RAB5IF: variants seen among roughly 807,000 people sequenced by gnomAD.
RAB5IF encodes RAB5 interacting factor, also known as GEL complex subunit OPTI.
In RAB5IF, 15 loss-of-function variants were observed where a neutral mutation model predicts 20.3. The ratio of observed to expected loss-of-function variants is 0.74; its 90% CI spans 0.50 to 1.14. RAB5IF has a LOEUF of 1.14. Ranked by LOEUF, RAB5IF falls within the 50% of genes most tolerant of loss-of-function variation. RAB5IF has a pLI of 0.00. For synonymous variants in RAB5IF, 67 were observed against 63.7 expected (o/e 1.05, Z -0.25); for missense variants, 148 against 159.5 (o/e 0.93, Z 0.39).
chr20:36,609,656 AT>A lies in RAB5IF; in HGVS notation c.276del (p.Ile92MetfsTer18). 6.2e-7 allele frequency: 1 copy of A among 1,613,792 alleles called. No homozygotes were observed. The highest frequency in any genetic ancestry group is 1.3e-5 in the African/African-American group (1 of 75,020). ...LYLYFSNYLQ[I>X]DEEEYGGTWE... ...CCTCTACTTCAGCAATTACCTACAG[AT>A]TGATGAGGAAGAATATGGTGGCACG... On this transcript the variant is annotated frameshift_variant, in exon 3 of 4. Transcript: ENST00000344795. LOFTEE classifies it high-confidence loss of function.
At chr20:36,610,862 T>C (rs543966614) in intron 3 of RAB5IF, among the ~76,000 whole-genome samples, 5 of 152,212 alleles carry the variant, frequency 3.3e-5, no homozygotes, top group South Asian at 4.1e-4. Context: ...AAAAGTAGAT[T>C]AGTGGTTGCC....
chr20:36,609,827 A>C, intron 3 of RAB5IF, 97 bp downstream of exon 3: 1 of 1,609,994 alleles, frequency 6.2e-7, no homozygotes, highest in South Asian at 1.1e-5. Context: ...CTGTGTGAGC[A>C]GGGTGCTATT....
At chr20:36,608,590 GTCTT>G (rs1470600911) in intron 2 of RAB5IF, among the ~76,000 whole-genome samples, 2 of 134,430 alleles carry the variant, frequency 1.5e-5, no homozygotes, top group Admixed American at 7.9e-5. Flanking sequence ...TAAAGACAGA[GTCTT>G]TCTCTGTCGC....
rs1282807320 is a variant in RAB5IF, at chr20:36,605,839, A to G, written c.-113A>G. The G allele has an allele frequency of 5.8e-6, 3 of 514,610 alleles. No homozygotes were observed. Among genetic ancestry groups the G allele is most frequent in the East Asian group, 3.7e-5 (1 of 27,296 alleles). 31.9% of individuals were successfully genotyped at this position (514,610 alleles called of 1,614,324 possible). A position where few individuals can be genotyped will look rare whatever the true frequency, so the allele number is the denominator to read the frequency against. On this transcript the variant is annotated 5_prime_UTR_variant, in exon 1 of 4. Transcript: ENST00000344795. Reference sequence around the variant, plus strand: ...GTGAGGAACCGCAGCGCGCCGCAGGACCGGGCCGCTGAGCCTGCAGCCGCC... The same window carrying G: ...GTGAGGAACCGCAGCGCGCCGCAGGGCCGGGCCGCTGAGCCTGCAGCCGCC...
At chr20:36,607,967 G>GGGTCTGGTGCACCACTCCTC (rs2038975329) in intron 2 of RAB5IF, 149 bp downstream of exon 2, 10 of 1,502,668 alleles carry the variant, frequency 6.7e-6, no homozygotes, top group Non-Finnish European at 7.2e-6. Flanking sequence ...TGGCACTCCT[G>GGGTCTGGTGCACCACTCCTC]GGTCTGGTGC....
chr20:36,609,182 C>CT (rs2039020728), intron 2 of RAB5IF, among the ~76,000 whole-genome samples: 1 of 39,694 alleles, frequency 2.5e-5, no homozygotes, highest in Non-Finnish European at 4.8e-5. Context: ...CACACACACA[C>CT]ACACACACAC....
intron 2 of RAB5IF, among the ~76,000 whole-genome samples, chr20:36,609,099 C>T (rs149357815): frequency 4.0e-5 from 6 of 150,796 alleles, no homozygotes; most frequent in East Asian, 2.0e-4. Context: ...TGTCAGGTCC[C>T]GCTTGGGATG....
chr20:36,611,268 G>A (rs1600808998), intron 3 of RAB5IF, among the ~76,000 whole-genome samples: 1 of 152,218 alleles, frequency 6.6e-6, no homozygotes, highest in East Asian at 1.9e-4. Context: ...TGGGATTACA[G>A]GTGTGAGCCA....
rs2039134204 is a variant in RAB5IF at position 36,611,956 on chromosome 20, A to C, written c.349-54A>C. On this transcript the variant is annotated intron_variant, in intron 3 of 3. Transcript: ENST00000344795. ...CTCATCTGGCATTTTTGTTTTGTGG[A>C]ATCGGCCTGTGTTAAGCCAGGTGAC... 4 of 1,605,650 alleles carry C rather than the reference A, an allele frequency of 2.5e-6. No homozygotes were observed. The South Asian group carries it at 4.4e-5, about 18-fold the overall frequency.
At position 36,609,190 on chromosome 20, in the gene RAB5IF, C is replaced by CAGAACTATATT. The variant is rs1568595416; in HGVS notation, c.219-410_219-409insGAACTATATTA. 2.9e-4 allele frequency among the ~76,000 whole-genome samples: 15 copies of CAGAACTATATT among 52,124 alleles called. 1 individual carries two copies. The highest frequency in any genetic ancestry group is 4.7e-4 in the Non-Finnish European group (13 of 27,460). The allele number at this position is 52,124 out of a possible 152,430, so 34.2% of individuals were successfully genotyped here. On this transcript the variant is annotated intron_variant, in intron 2 of 3. Coordinates refer to ENST00000344795, the MANE Select transcript of RAB5IF (RefSeq NM_018840.5). ...ACACACACACACACACACACACACA[C>CAGAACTATATT]ACACGCACACACGCACACACGCACA...
At chr20:36,607,612 A>G (rs1375907683) in intron 1 of RAB5IF, 103 bp from the exon 2 acceptor site, 2 of 1,417,662 alleles carry the variant, frequency 1.4e-6, no homozygotes, top group Admixed American at 2.1e-5. Flanking sequence ...GGGGGGAAAC[A>G]AATTTCCTGG....
chr20:36,609,544 G>C, intron 2 of RAB5IF, 57 bp from the exon 3 acceptor site: 2 of 1,524,980 alleles, frequency 1.3e-6, no homozygotes. Flanking sequence ...CCGGCCCCGA[G>C]TTCTGAGTCT....
Position 36,612,172 on chromosome 20 carries a change from C to T in RAB5IF, c.*121C>T, listed in dbSNP as rs367602721. On this transcript the variant is annotated 3_prime_UTR_variant, in exon 4 of 4. Coordinates refer to ENST00000344795, the MANE Select transcript of RAB5IF (RefSeq NM_018840.5). ...ACTTGGAAGACCCGTGTTTCCTGGA[C>T]CGCGAATCAGTGTGTTGGGCATCAG... 5.6e-6 allele frequency: 9 copies of T among 1,614,096 alleles called. No individual in the cohort carries two copies. In the African/African-American group the frequency reaches 1.2e-4, roughly 22 times the overall value.
chr20:36,606,089 G>A (rs756561188), intron 1 of RAB5IF, 24 bp downstream of exon 1: 42 of 1,342,416 alleles, frequency 3.1e-5, no homozygotes, highest in Non-Finnish European at 3.9e-5. Flanking sequence ...TGAACAGGGC[G>A]CGGGTGCGAG....
chr20:36,610,742 A>G (rs2039090658), intron 3 of RAB5IF, among the ~76,000 whole-genome samples: 3 of 152,142 alleles, frequency 2.0e-5, no homozygotes, highest in Non-Finnish European at 4.4e-5. Flanking sequence ...GCTATATAAC[A>G]TGGATGAACC....
chr20:36,609,283 G>GGCTGTA (rs2039049437), intron 2 of RAB5IF, among the ~76,000 whole-genome samples: 1 of 147,206 alleles, frequency 6.8e-6, no homozygotes, highest in African/African-American at 2.5e-5. Flanking sequence ...CTGTTGCCCA[G>GGCTGTA]GCTGTAGTGC....
Position 36,606,194 on chromosome 20 carries a change from A to C in RAB5IF, c.114+129A>C. On this transcript the variant is annotated intron_variant, in intron 1 of 3. Transcript: ENST00000344795. Reference sequence around the variant, plus strand: ...AGTAGGGCAGTGGGGCGGGTGGCCCAAGGGTGTCAGAGCAAACTTGGCGGG... The same window carrying C: ...AGTAGGGCAGTGGGGCGGGTGGCCCCAGGGTGTCAGAGCAAACTTGGCGGG... 3 of 537,776 alleles carry C rather than the reference A, an allele frequency of 5.6e-6. No homozygotes were observed. In the South Asian group the frequency reaches 1.5e-4, roughly 27 times the overall value. 33.3% of individuals were successfully genotyped at this position (537,776 alleles called of 1,614,324 possible).
At chr20:36,607,849 T>TATC in intron 2 of RAB5IF, 31 bp downstream of exon 2, 1 of 1,611,792 alleles carries the variant, frequency 6.2e-7, no homozygotes, top group Non-Finnish European at 8.5e-7. Flanking sequence ...ATTTTCATGG[T>TATC]ATCATTTCTT....
chr20:36,607,800 G>C lies in RAB5IF; in HGVS notation c.200G>C (p.Gly67Ala), dbSNP rs1164998443. The change falls in exon 2 of 4, where the codon GGG becomes GCG. Residue 67 changes from glycine to alanine, a missense_variant. Coordinates refer to ENST00000344795, the MANE Select transcript of RAB5IF (RefSeq NM_018840.5). The stretch of plus-strand genomic sequence containing the variant: ...ATTTGGGGAGTTTTGCCATTACGAG[G>C]GTTCTTGGGAATAGCAGGGTAAGTC... ...GVIWGVLPLR[G>A]FLGIAGFCLI... is the part of the protein sequence containing the mutation. The C allele has an allele frequency of 6.2e-7, 1 of 1,613,838 alleles. No individual in the cohort carries two copies. The highest frequency in any genetic ancestry group is 1.3e-5 in the African/African-American group (1 of 74,996).
Sources: allele counts gnomAD v4.1 joint callset (sites outside exome capture counted in the v4.1 genomes callset), GRCh38; gene constraint gnomAD v4.1.1; transcripts MANE v1.5; gene names NCBI Gene and HGNC (gene_info 2026-07-23, HGNC 2026-07-21).